EPM2A: variants seen among roughly 807,000 people sequenced by gnomAD.
EPM2A encodes the protein laforin.
Under a neutral mutation model 26.5 loss-of-function variants are expected in EPM2A, and 21 were observed. That is an observed-to-expected ratio of 0.79 (90% CI 0.56 to 1.14). The LOEUF is 1.14. Ranked by LOEUF, EPM2A falls within the 50% of genes most tolerant of loss-of-function variation. The pLI is 0.00. For synonymous variants in EPM2A, 217 were observed against 177.6 expected (o/e 1.22, Z -1.76); for missense variants, 458 against 440.8 (o/e 1.04, Z -0.35).
intron 4 of EPM2A, among the ~76,000 whole-genome samples, chr6:145,386,593 C>G (rs1778265119): frequency 6.6e-6 from 1 of 152,086 alleles, no homozygotes; most frequent in African/African-American, 2.4e-5. Context: ...GTTCTTCACA[C>G]TTAATAACTG....
intron 2 of EPM2A, among the ~76,000 whole-genome samples, chr6:145,610,213 CAA>C (rs201175075): frequency 9.2e-5 from 10 of 108,418 alleles, no homozygotes; most frequent in Admixed American, 2.0e-4. Flanking sequence ...GACTCCGTCT[CAA>C]AAAAAAAAAA....
chr6:145,717,219 T>A (rs1306724172), intron 1 of EPM2A, among the ~76,000 whole-genome samples: 1 of 152,188 alleles, frequency 6.6e-6, no homozygotes, highest in East Asian at 1.9e-4. Flanking sequence ...AAATCTTCAA[T>A]AAAATACTGG....
At chr6:145,670,976 T>C in intron 2 of EPM2A, 4 of 983,542 alleles carry the variant, frequency 4.1e-6, no homozygotes, top group Non-Finnish European at 4.8e-6. Context: ...TGAACAATTG[T>C]AATCTTGGTC....
At position 145,588,376 on chromosome 6, in the gene EPM2A, G is replaced by C. The variant is rs1423587630; in HGVS notation, c.340+46869C>G. ...ATTCATGGATTAATTCATTAGAGAA[G>C]AGAATTGAAATTCTTCATTTGGAAC... On this transcript the variant is annotated intron_variant, in intron 2 of 3. Coordinates refer to the EPM2A transcript ENST00000450221. Among the ~76,000 whole-genome samples the C allele has an allele frequency of 2.6e-5, 4 of 152,154 alleles. No homozygotes were observed. In the East Asian group the frequency reaches 7.7e-4, roughly 29 times the overall value.
chr6:145,645,459 T>C (rs1270655535), intron 2 of EPM2A, among the ~76,000 whole-genome samples: 2 of 152,102 alleles, frequency 1.3e-5, no homozygotes, highest in African/African-American at 4.8e-5. Flanking sequence ...TGTGTCACAA[T>C]GCCCAGGTAA....
chr6:145,388,016 C>T (rs1215659654), intron 4 of EPM2A, among the ~76,000 whole-genome samples: 3 of 152,104 alleles, frequency 2.0e-5, no homozygotes, highest in African/African-American at 4.8e-5. Context: ...ATATGTTTGT[C>T]CCACCTTATC....
At chr6:145,615,634 C>T (rs1775494698) in intron 2 of EPM2A, among the ~76,000 whole-genome samples, 1 of 151,832 alleles carries the variant, frequency 6.6e-6, no homozygotes. Context: ...TTTGGAACTT[C>T]CTAGAGACTT....
intron 2 of EPM2A, among the ~76,000 whole-genome samples, chr6:145,508,391 GC>G (rs1421507785): frequency 1.3e-5 from 2 of 152,312 alleles, no homozygotes; most frequent in South Asian, 2.1e-4. Context: ...CTGGCTGGAA[GC>G]CTGAATTACA....
chr6:145,582,485 T>C (rs895139532), intron 2 of EPM2A, among the ~76,000 whole-genome samples: 3 of 152,240 alleles, frequency 2.0e-5, no homozygotes, highest in East Asian at 1.9e-4. Context: ...CAGGTCCCAA[T>C]TATCTTCTGA....
chr6:145,631,517 C>T (rs937484506), intron 3 of EPM2A: 2 of 152,142 alleles, frequency 1.3e-5, no homozygotes, highest in African/African-American at 4.8e-5. Context: ...TCAGTAGATG[C>T]TCCATACACA....
At chr6:145,507,052 C>A (rs1779986059) in intron 2 of EPM2A, among the ~76,000 whole-genome samples, 1 of 152,114 alleles carries the variant, frequency 6.6e-6, no homozygotes, top group African/African-American at 2.4e-5. Context: ...TAAGCATGGG[C>A]CACCACACCC....
chr6:145,392,886 A>T (rs1485952345), intron 4 of EPM2A, among the ~76,000 whole-genome samples: 1 of 152,088 alleles, frequency 6.6e-6, no homozygotes, highest in Non-Finnish European at 1.5e-5. Flanking sequence ...TAATCACAGA[A>T]TTAATTAAGG....
At chr6:145,474,074 A>G (rs1465439852) in intron 4 of EPM2A, among the ~76,000 whole-genome samples, 1 of 152,220 alleles carries the variant, frequency 6.6e-6, no homozygotes, top group Non-Finnish European at 1.5e-5. Flanking sequence ...TAGAAAGACT[A>G]AAGTGTGAAT....
intron 2 of EPM2A, among the ~76,000 whole-genome samples, chr6:145,506,532 A>G (rs547757693): frequency 6.6e-6 from 1 of 151,960 alleles, no homozygotes; most frequent in East Asian, 1.9e-4. Flanking sequence ...GTACAGTTAT[A>G]TATAAAATCT....
intron 2 of EPM2A, among the ~76,000 whole-genome samples, chr6:145,541,998 A>G (rs1385035954): frequency 6.6e-6 from 1 of 152,172 alleles, no homozygotes; most frequent in Non-Finnish European, 1.5e-5. Flanking sequence ...AAGGCTTCTC[A>G]AATAAAGCAT....
At chr6:145,719,496 T>A (rs895234565) in intron 1 of EPM2A, among the ~76,000 whole-genome samples, 4 of 140,650 alleles carry the variant, frequency 2.8e-5, no homozygotes. Context: ...GGGGGAGGGA[T>A]AGCATTGGAA....
chr6:145,617,874 TA>T (rs1775549540), intron 2 of EPM2A, among the ~76,000 whole-genome samples: 2 of 152,144 alleles, frequency 1.3e-5, no homozygotes, highest in Non-Finnish European at 2.9e-5. Flanking sequence ...CCCAGGAAGG[TA>T]GAGGCTGCAA....
chr6:145,641,812 T>C (rs1266198846), intron 2 of EPM2A, among the ~76,000 whole-genome samples: 1 of 152,146 alleles, frequency 6.6e-6, no homozygotes, highest in Non-Finnish European at 1.5e-5. Context: ...ATCACCAGAC[T>C]CCGACTAAAA....
At chr6:145,672,858 T>C (rs901425791) in intron 2 of EPM2A, among the ~76,000 whole-genome samples, 7 of 152,102 alleles carry the variant, frequency 4.6e-5, no homozygotes, top group African/African-American at 1.2e-4. Context: ...AAAAGTAGTA[T>C]AGAAGGAAAG....
Sources: gnomAD v4.1 joint callset for allele counts (sites outside exome capture counted in the v4.1 genomes callset) on GRCh38, gnomAD v4.1.1 for gene constraint, MANE v1.5 for transcripts, NCBI Gene and HGNC (gene_info 2026-07-23, HGNC 2026-07-21) for gene names.